The following ZFAND3 variants were observed in gnomAD, a reference collection of about 807,000 sequenced individuals.
ZFAND3 encodes the protein zinc finger AN1-type containing 3.
In ZFAND3, 10 loss-of-function variants were observed where a neutral mutation model predicts 29.6. That is an observed-to-expected ratio of 0.34 (90% CI 0.21 to 0.57). ZFAND3 has a LOEUF of 0.57. Among genes scored for constraint, ZFAND3 ranks in the 20% least tolerant of loss-of-function variants. ZFAND3 has a pLI of 0.86. For synonymous variants in ZFAND3, 128 were observed against 112.6 expected (o/e 1.14, Z -0.87); for missense variants, 230 against 304.5 (o/e 0.76, Z 1.82).
At chr6:37,843,771 A>G (rs1183651715) in intron 1 of ZFAND3, among the ~76,000 whole-genome samples, 1 of 151,882 alleles carries the variant, frequency 6.6e-6, no homozygotes, top group East Asian at 1.9e-4. Flanking sequence ...GAGACATTGC[A>G]TATTCTTTTA....
At chr6:38,021,222 G>A (rs1763343399) in intron 2 of ZFAND3, among the ~76,000 whole-genome samples, 1 of 152,172 alleles carries the variant, frequency 6.6e-6, no homozygotes, top group Non-Finnish European at 1.5e-5. Flanking sequence ...TGTTAGATTA[G>A]AGCAAACATT....
chr6:38,150,823 T>G (rs1035005970), intron 5 of ZFAND3, among the ~76,000 whole-genome samples: 2 of 152,128 alleles, frequency 1.3e-5, no homozygotes, highest in Non-Finnish European at 2.9e-5. Flanking sequence ...AGGAGAGTGT[T>G]TGCTTGGGCA....
chr6:37,926,658 G>A (rs1581767477), intron 1 of ZFAND3, among the ~76,000 whole-genome samples: 1 of 152,058 alleles, frequency 6.6e-6, no homozygotes, highest in African/African-American at 2.4e-5. Flanking sequence ...ATATCTTTTG[G>A]TAGCCATTAT....
At chr6:37,978,728 C>T (rs776267093) in intron 2 of ZFAND3, among the ~76,000 whole-genome samples, 11 of 152,138 alleles carry the variant, frequency 7.2e-5, no homozygotes, top group East Asian at 5.8e-4. Context: ...ACATTTCATC[C>T]GTCTCAGCTC....
chr6:37,927,104 T>C (rs763693695), intron 1 of ZFAND3, among the ~76,000 whole-genome samples: 6 of 152,222 alleles, frequency 3.9e-5, no homozygotes, highest in Non-Finnish European at 7.3e-5. Flanking sequence ...CTGAAAAATT[T>C]CTATCCAGAA....
intron 5 of ZFAND3, among the ~76,000 whole-genome samples, chr6:38,130,940 G>C (rs1409332485): frequency 6.6e-6 from 1 of 152,066 alleles, no homozygotes; most frequent in East Asian, 1.9e-4. Flanking sequence ...TCTGGTCTTG[G>C]ACTTTTTTTG....
intron 3 of ZFAND3, among the ~76,000 whole-genome samples, chr6:38,069,608 T>G (rs1581891316): frequency 6.6e-6 from 1 of 152,218 alleles, no homozygotes; most frequent in Admixed American, 6.5e-5. Flanking sequence ...CTGAAAAGAT[T>G]GATACTTTGC....
chr6:38,053,979 T>A (rs1764083404), intron 2 of ZFAND3, among the ~76,000 whole-genome samples: 1 of 152,028 alleles, frequency 6.6e-6, no homozygotes, highest in Middle Eastern at 3.2e-3. Flanking sequence ...AATTGCAGAT[T>A]CATGGACATA....
intron 3 of ZFAND3, among the ~76,000 whole-genome samples, chr6:38,064,267 T>C (rs1369847844): frequency 3.3e-5 from 5 of 152,192 alleles, no homozygotes; most frequent in African/African-American, 1.2e-4. Context: ...CCAAAATGCA[T>C]GTGAGGCTGA....
chr6:37,836,178 A>G (rs971906902), intron 1 of ZFAND3, among the ~76,000 whole-genome samples: 1 of 152,228 alleles, frequency 6.6e-6, no homozygotes. Flanking sequence ...TGTCAGAATC[A>G]CTTCGGGAGT....
At chr6:37,937,182 T>C (rs1761713099) in intron 2 of ZFAND3, among the ~76,000 whole-genome samples, 1 of 152,162 alleles carries the variant, frequency 6.6e-6, no homozygotes, top group African/African-American at 2.4e-5. Flanking sequence ...GGCTTTACAG[T>C]AAGAGAAACA....
At chr6:37,993,415 C>T (rs1581821274) in intron 2 of ZFAND3, among the ~76,000 whole-genome samples, 1 of 152,162 alleles carries the variant, frequency 6.6e-6, no homozygotes, top group East Asian at 1.9e-4. Context: ...CAACCTCCAC[C>T]TCCTGGGTCG....
Position 37,929,962 on chromosome 6 carries a change from C to T in ZFAND3, c.75C>T (p.Ser25=). 1 of 1,596,616 alleles carries T rather than the reference C, an allele frequency of 6.3e-7. No homozygotes were observed. Among genetic ancestry groups the T allele is most frequent in the Non-Finnish European group, 8.5e-7 (1 of 1,173,004 alleles). The change falls in exon 2 of 6, where the codon TCC becomes TCT. Residue 25 remains serine, a synonymous_variant. Transcript: ENST00000287218. ...PPRCPCGFWG[S]SKTMNLCSKC... ...CTTTTCTTTTTGTTTGCCCCAGGTC[C>T]AGCAAGACTATGAATCTCTGTTCCA...
intron 1 of ZFAND3, among the ~76,000 whole-genome samples, chr6:37,833,719 G>A (rs190407899): frequency 1.8e-3 from 269 of 151,472 alleles, no homozygotes; most frequent in Non-Finnish European, 3.1e-3. Context: ...CCAGCTACCC[G>A]GGAGGCTGAG....
At chr6:38,064,890 C>G (rs1764312115) in intron 3 of ZFAND3, among the ~76,000 whole-genome samples, 1 of 152,074 alleles carries the variant, frequency 6.6e-6, no homozygotes. Flanking sequence ...ATGGTGATGA[C>G]TTAAGTTTGT....
Position 37,933,812 on chromosome 6 carries a change from ACCCTGGTTTGG to A in ZFAND3, c.112+3816_112+3826del, listed in dbSNP as rs1235476549. Among the ~76,000 whole-genome samples, 3 of 150,344 alleles carry A rather than the reference ACCCTGGTTTGG, an allele frequency of 2.0e-5. No homozygotes were observed. In the East Asian group the frequency reaches 5.8e-4, roughly 29 times the overall value. ...CTTTTTGACAACTATCTTATCATTA[ACCCTGGTTTGG>A]CCTCTGTTACCTTTAAAGGCTAAAA... On this transcript the variant is annotated intron_variant, in intron 2 of 5. Transcript: ENST00000287218.
intron 1 of ZFAND3, among the ~76,000 whole-genome samples, chr6:37,857,022 C>T (rs1485472165): frequency 6.6e-6 from 1 of 151,982 alleles, no homozygotes; most frequent in Non-Finnish European, 1.5e-5. Flanking sequence ...AAGCTCACTG[C>T]AGCCTGACCT....
intron 1 of ZFAND3, among the ~76,000 whole-genome samples, chr6:37,905,018 A>G (rs549668918): frequency 8.5e-5 from 13 of 152,274 alleles, no homozygotes; most frequent in Admixed American, 5.2e-4. Context: ...TATAAGTACA[A>G]TTTGGTATGT....
In ZFAND3 at chr6:37,955,614, G is replaced by T. The variant is rs112898300; in HGVS notation, c.112+25615G>T. 4.7e-4 allele frequency among the ~76,000 whole-genome samples: 72 copies of T among 152,276 alleles called. 1 individual carries two copies. Among genetic ancestry groups the T allele is most frequent in the African/African-American group, 9.6e-4 (40 of 41,534 alleles). Reference sequence around the variant, plus strand: ...AAGTAGTAAGTTCTGCTATGACCCAGTAACTATTATAAACCACTTAGGCTC... The same window carrying T: ...AAGTAGTAAGTTCTGCTATGACCCATTAACTATTATAAACCACTTAGGCTC... On this transcript the variant is annotated intron_variant, in intron 2 of 5. Transcript: ENST00000287218.
Sources: allele counts gnomAD v4.1 joint callset (sites outside exome capture counted in the v4.1 genomes callset), GRCh38; gene constraint gnomAD v4.1.1; transcripts MANE v1.5; gene names NCBI Gene and HGNC (gene_info 2026-07-23, HGNC 2026-07-21).